MMP26: variants seen among roughly 807,000 people sequenced by gnomAD.
MMP26 encodes matrix metalloproteinase-26.
Under a neutral mutation model 31.0 loss-of-function variants are expected in MMP26, and 33 were observed. The observed-to-expected ratio is 1.06, with a 90% CI of 0.81 to 1.42. MMP26 has a LOEUF of 1.42. MMP26 is among the 40% of genes most tolerant of loss of function. MMP26 has a pLI of 0.00. For synonymous variants in MMP26, 122 were observed against 114.9 expected, an observed-to-expected ratio of 1.06 and a Z score of -0.40; for missense variants, 347 against 316.1, an observed-to-expected ratio of 1.10 and a Z score of -0.74.
intron 2 of MMP26, among the ~76,000 whole-genome samples, chr11:4,860,915 A>G (rs1489619615): frequency 6.6e-6 from 1 of 151,982 alleles, no homozygotes; most frequent in Admixed American, 6.6e-5. Context: ...CATAACCAAG[A>G]TCTTAATAAC....
intron 1 of MMP26, among the ~76,000 whole-genome samples, chr11:4,705,996 G>GGGA (rs1486154572): frequency 4.0e-5 from 6 of 150,396 alleles, no homozygotes; most frequent in African/African-American, 1.2e-4. Context: ...GTGGTGGGGG[G>GGGA]AGCTGTTCTT....
intron 1 of MMP26, chr11:4,722,680 C>T: frequency 1.4e-6 from 1 of 715,550 alleles, no homozygotes; most frequent in Non-Finnish European, 2.5e-6. Context: ...GGCCTCCCTC[C>T]TGTGCTTTCC....
intron 2 of MMP26, among the ~76,000 whole-genome samples, chr11:4,807,367 C>G (rs1357011682): frequency 6.6e-6 from 1 of 152,100 alleles, no homozygotes; most frequent in African/African-American, 2.4e-5. Flanking sequence ...GGAACCAACC[C>G]AAATGTCCAT....
intron 2 of MMP26, among the ~76,000 whole-genome samples, chr11:4,901,287 G>A (rs561778252): frequency 8.6e-5 from 13 of 151,070 alleles, no homozygotes; most frequent in African/African-American, 2.9e-4. Context: ...AGCCTCCTGA[G>A]TAGCTGAGAC....
chr11:4,896,655 T>G (rs957374030), intron 2 of MMP26, among the ~76,000 whole-genome samples: 3 of 152,200 alleles, frequency 2.0e-5, no homozygotes, highest in Non-Finnish European at 2.9e-5. Flanking sequence ...TGCTGCTGCT[T>G]CTTTTTTCTT....
Position 4,881,976 on chromosome 11 carries a change from A to T in MMP26, c.-144-106092A>T, listed in dbSNP as rs778952665. 1 of 1,613,796 alleles carries T rather than the reference A, an allele frequency of 6.2e-7. No homozygotes were observed. Among genetic ancestry groups the T allele is most frequent in the Non-Finnish European group, 8.5e-7 (1 of 1,179,884 alleles). The stretch of plus-strand genomic sequence containing the variant: ...GCATTCCCTGGGCTGGAATGTGCTC[A>T]TGTCTGGATCTCCATTCCAGTCTGC... On this transcript the variant is annotated intron_variant, in intron 2 of 7. Transcript: ENST00000380390.
chr11:4,730,404 A>AAGAGACAGAG, intron 1 of MMP26, among the ~76,000 whole-genome samples: 1 of 145,048 alleles, frequency 6.9e-6, no homozygotes, highest in African/African-American at 2.6e-5. Context: ...GTTTCTGGGA[A>AAGAGACAGAG]AGAGAGAGAG....
At chr11:4,962,028 T>C (rs1417703591) in intron 2 of MMP26, among the ~76,000 whole-genome samples, 1 of 152,040 alleles carries the variant, frequency 6.6e-6, no homozygotes, top group Non-Finnish European at 1.5e-5. Context: ...CTGTGTCTTT[T>C]GTTTTTTGTT....
intron 2 of MMP26, among the ~76,000 whole-genome samples, chr11:4,926,197 T>A (rs946591037): frequency 1.3e-5 from 2 of 151,856 alleles, no homozygotes; most frequent in Admixed American, 1.3e-4. Flanking sequence ...ATAAAACCAT[T>A]CTTGTTTTAT....
At chr11:4,706,955 G>C (rs1020255492) in intron 1 of MMP26, among the ~76,000 whole-genome samples, 5 of 152,240 alleles carry the variant, frequency 3.3e-5, no homozygotes, top group African/African-American at 1.2e-4. Flanking sequence ...TGTATGTCTT[G>C]TGCTTTCTTT....
chr11:4,914,553 T>A lies in MMP26; in HGVS notation c.-144-73515T>A, dbSNP rs1046129607. The A allele has an allele frequency of 7.1e-6, 4 of 566,176 alleles. 1 individual carries two copies. In the South Asian group the frequency reaches 8.0e-5, roughly 11 times the overall value. 35.1% of individuals were successfully genotyped at this position (566,176 alleles called of 1,614,324 possible). On this transcript the variant is annotated intron_variant, in intron 2 of 7. Transcript: ENST00000380390. ...CATCATATTACATTTTACCCCCCCC[T>A]GCCCTGGCCACAACAGAGTGAGGGT... is the stretch of plus-strand genomic sequence containing the variant.
intron 2 of MMP26, among the ~76,000 whole-genome samples, chr11:4,891,157 CA>C (rs1850615694): frequency 6.6e-6 from 1 of 151,990 alleles, no homozygotes; most frequent in Non-Finnish European, 1.5e-5. Context: ...GCTGTTCTCC[CA>C]TTGCTATAAG....
At chr11:4,743,762 A>G (rs1848343670) in intron 1 of MMP26, among the ~76,000 whole-genome samples, 2 of 152,186 alleles carry the variant, frequency 1.3e-5, no homozygotes, top group Non-Finnish European at 2.9e-5. Context: ...TATTTTAACA[A>G]CAGAATTATA....
intron 1 of MMP26, among the ~76,000 whole-genome samples, chr11:4,747,646 A>G (rs1848398141): frequency 6.6e-6 from 1 of 152,118 alleles, no homozygotes; most frequent in African/African-American, 2.4e-5. Context: ...TGGAAAACAG[A>G]AGGAGGAAAA....
intron 2 of MMP26, chr11:4,907,734 G>A (rs770538147): frequency 4.9e-5 from 79 of 1,613,710 alleles, no homozygotes; most frequent in Admixed American, 1.5e-4. Flanking sequence ...TCTTTGGACC[G>A]CTTTCTTGCC....
chr11:4,845,540 A>T lies in MMP26; in HGVS notation c.-145+78199A>T, dbSNP rs139786662. Among the ~76,000 whole-genome samples, 202 of 152,270 alleles carry T rather than the reference A, an allele frequency of 1.3e-3. 3 individuals are homozygous for T. In the East Asian group the frequency reaches 0.035, roughly 26 times the overall value. Reference sequence around the variant, plus strand: ...CTCCAGGACATTGATCTGGGTAAAAATTTCTTGAGCAATATCCCACAAGCA... The same window carrying T: ...CTCCAGGACATTGATCTGGGTAAAATTTTCTTGAGCAATATCCCACAAGCA... On this transcript the variant is annotated intron_variant, in intron 2 of 7. Transcript: ENST00000380390.
chr11:4,907,681 T>C (rs1850920831), intron 2 of MMP26: 2 of 1,613,936 alleles, frequency 1.2e-6, no homozygotes, highest in Non-Finnish European at 1.7e-6. Context: ...AATTCTTCAT[T>C]CATGGATTCA....
chr11:4,932,288 T>C (rs912048896), intron 2 of MMP26, among the ~76,000 whole-genome samples: 4 of 152,184 alleles, frequency 2.6e-5, no homozygotes, highest in African/African-American at 9.6e-5. Flanking sequence ...CATCAAGAGA[T>C]GGAACGTATT....
chr11:4,807,030 G>T (rs1330798728), intron 2 of MMP26, among the ~76,000 whole-genome samples: 1 of 152,002 alleles, frequency 6.6e-6, no homozygotes, highest in East Asian at 1.9e-4. Context: ...AGGGGTGCTG[G>T]CCAAATCCCG....
Sources: gnomAD v4.1 joint callset for allele counts (sites outside exome capture counted in the v4.1 genomes callset) on GRCh38, gnomAD v4.1.1 for gene constraint, MANE v1.5 for transcripts, NCBI Gene and HGNC (gene_info 2026-07-23, HGNC 2026-07-21) for gene names.